Variants in UGT1A7 observed in about 807,000 individuals in gnomAD.
UGT1A7 encodes UDP-glucuronosyltransferase 1A7.
UGT1A7 carries 33 observed loss-of-function variants against 45.6 expected under a neutral mutation model. The observed-to-expected ratio is 0.72, with a 90% CI of 0.55 to 0.97. The LOEUF (loss-of-function observed/expected upper bound fraction) is 0.97. Among genes scored for constraint, UGT1A7 ranks in the 50% least tolerant of loss-of-function variants. UGT1A7 has a pLI of 0.00. For missense variants in UGT1A7, 684 were observed against 666.2 expected, an observed-to-expected ratio of 1.03 and a Z score of -0.29; for synonymous variants, 274 against 250.6, an observed-to-expected ratio of 1.09 and a Z score of -0.88.
Position 233,767,220 on chromosome 2 carries a change from C to T in UGT1A7, c.987+55C>T. 2.5e-6 allele frequency: 4 copies of T among 1,611,656 alleles called. No individual in the cohort carries two copies. In the South Asian group the frequency reaches 4.4e-5, roughly 18 times the overall value. ...TCTATTTTCACAGGAGCGCTAATCC[C>T]AGACTTCCAGCTTCCAGATTAATTC... On this transcript the variant is annotated intron_variant, in intron 2 of 4. Coordinates refer to ENST00000373426, the MANE Select transcript of UGT1A7 (RefSeq NM_019077.3).
chr2:233,750,363 A>C (rs1694437440), intron 1 of UGT1A7, among the ~76,000 whole-genome samples: 1 of 151,980 alleles, frequency 6.6e-6, no homozygotes, highest in African/African-American at 2.4e-5. Context: ...TATGTTTAAA[A>C]GGGAAGCAGA....
At chr2:233,719,407 A>G (rs775904501) in intron 1 of UGT1A7, 11 of 1,613,816 alleles carry the variant, frequency 6.8e-6, no homozygotes, top group African/African-American at 5.3e-5. Context: ...TATATTCCTA[A>G]GTTACTAACG....
chr2:233,749,865 C>A (rs113837567), intron 1 of UGT1A7, among the ~76,000 whole-genome samples: 3 of 152,004 alleles, frequency 2.0e-5, no homozygotes, highest in African/African-American at 7.3e-5. Context: ...CACTTTCTGC[C>A]AGGATTATAA....
chr2:233,746,374 T>C (rs1378448222), intron 1 of UGT1A7, among the ~76,000 whole-genome samples: 2 of 151,774 alleles, frequency 1.3e-5, no homozygotes, highest in African/African-American at 4.9e-5. Flanking sequence ...AGTCCCTTCA[T>C]TCTGATTTGA....
chr2:233,770,501 T>C (rs956860149), intron 4 of UGT1A7: 6 of 151,776 alleles, frequency 4.0e-5, no homozygotes, highest in African/African-American at 1.5e-4. Context: ...CAAAAAAATA[T>C]AAAAAAATTA....
rs45621441 is a variant in UGT1A7, at chr2:233,719,022, C to T, written c.855+36230C>T. On this transcript the variant is annotated intron_variant, in intron 1 of 4. Transcript: ENST00000373426. ...GGTCCTCACCCCAGAGGTGAATATG[C>T]ACATCAAAGAAGAGAAATTTTTCAC... 2,685 of 1,614,218 alleles carry T rather than the reference C, an allele frequency of 1.7e-3. 14 individuals are homozygous for T. The highest frequency in any genetic ancestry group is 3.6e-3 in the Middle Eastern group (22 of 6,062).
chr2:233,744,844 A>C (rs1390116888), intron 1 of UGT1A7, among the ~76,000 whole-genome samples: 1 of 151,966 alleles, frequency 6.6e-6, no homozygotes, highest in African/African-American at 2.4e-5. Context: ...AGTCTAGCAG[A>C]GTAGTCCTTG....
intron 1 of UGT1A7, among the ~76,000 whole-genome samples, chr2:233,727,843 T>A (rs768506184): frequency 1.3e-4 from 19 of 151,996 alleles, no homozygotes; most frequent in Non-Finnish European, 2.6e-4. Context: ...CAATGTGGAG[T>A]AATTTCCTCC....
intron 1 of UGT1A7, among the ~76,000 whole-genome samples, chr2:233,695,578 A>G (rs1303216360): frequency 6.6e-6 from 1 of 150,450 alleles, no homozygotes; most frequent in Non-Finnish European, 1.5e-5. Context: ...CCCCTTCCCT[A>G]CTTACCCTTT....
chr2:233,756,036 T>G (rs1696097976), intron 1 of UGT1A7: 1 of 152,224 alleles, frequency 6.6e-6, no homozygotes, highest in Non-Finnish European at 1.5e-5. Context: ...CCATGTAGCT[T>G]CTGGAAAACT....
In UGT1A7 at chr2:233,772,286, C is replaced by T. The variant is rs1559419792; in HGVS notation, c.1320C>T (p.Leu440=). ...DKSYKENIMR[L]SSLHKDRPVE... ...GTTACAAGGAGAACATCATGCGCCT[C>T]TCCAGCCTTCACAAGGACCGCCCGG... The change falls in exon 5 of 5, where the codon CTC becomes CTT. Residue 440 remains leucine, a synonymous_variant. Transcript: ENST00000373426. 1 of 1,614,248 alleles carries T rather than the reference C, an allele frequency of 6.2e-7. No homozygotes were observed. The highest frequency in any genetic ancestry group is 8.5e-7 in the Non-Finnish European group (1 of 1,180,054).
rs572113839 is a variant in UGT1A7, at chr2:233,733,665, C to T, written c.856-33369C>T. Among the ~76,000 whole-genome samples the T allele has an allele frequency of 5.3e-5, 8 of 152,280 alleles. No individual in the cohort carries two copies. The East Asian group carries it at 7.7e-4, about 15-fold the overall frequency. ...ATCCCAAGGATGAAGCCGACTTGAT[C>T]GATGTGGATAAACTTTTTGATGTGC... On this transcript the variant is annotated intron_variant, in intron 1 of 4. Transcript: ENST00000373426.
chr2:233,755,203 A>T, intron 1 of UGT1A7: 1 of 1,097,556 alleles, frequency 9.1e-7, no homozygotes, highest in African/African-American at 1.6e-5. Flanking sequence ...AGCTTGCGGT[A>T]CGCCTTCTTG....
At chr2:233,737,210 G>A (rs2078852956) in intron 1 of UGT1A7, among the ~76,000 whole-genome samples, 1 of 152,244 alleles carries the variant, frequency 6.6e-6, no homozygotes, top group South Asian at 2.1e-4. Context: ...GGTGGACTCT[G>A]TTCAGTTCCA....
At chr2:233,695,523 CT>C (rs563990924) in intron 1 of UGT1A7, among the ~76,000 whole-genome samples, 59 of 151,370 alleles carry the variant, frequency 3.9e-4, no homozygotes, top group African/African-American at 1.4e-3. Flanking sequence ...AATTTTATTT[CT>C]TTTTTCTTTT....
At chr2:233,759,709 C>T (rs139134152) in intron 1 of UGT1A7, among the ~76,000 whole-genome samples, 6 of 151,084 alleles carry the variant, frequency 4.0e-5, no homozygotes, top group Non-Finnish European at 8.8e-5. Flanking sequence ...GGCGCGTGCT[C>T]GTGTGGTGGG....
chr2:233,686,779 C>T (rs989054670), intron 1 of UGT1A7, among the ~76,000 whole-genome samples: 1 of 152,154 alleles, frequency 6.6e-6, no homozygotes. Flanking sequence ...AACACTCCAA[C>T]TCTCCTCTTT....
intron 1 of UGT1A7, among the ~76,000 whole-genome samples, chr2:233,716,166 G>A (rs1366189269): frequency 6.6e-6 from 1 of 152,138 alleles, no homozygotes; most frequent in Non-Finnish European, 1.5e-5. Flanking sequence ...GAGATGCAGT[G>A]CAGCATCTTC....
chr2:233,722,845 CTT>C (rs61550889), intron 1 of UGT1A7, among the ~76,000 whole-genome samples: 22 of 135,308 alleles, frequency 1.6e-4, no homozygotes, highest in African/African-American at 3.8e-4. Flanking sequence ...AAGAATGTTT[CTT>C]TTTTTTTTTT....
Sources: allele counts gnomAD v4.1 joint callset (sites outside exome capture counted in the v4.1 genomes callset), GRCh38; gene constraint gnomAD v4.1.1; transcripts MANE v1.5; gene names NCBI Gene and HGNC (gene_info 2026-07-23, HGNC 2026-07-21).